The following CACNB2 variants were observed in gnomAD, a reference collection of about 807,000 sequenced individuals.
CACNB2 encodes voltage-dependent L-type calcium channel subunit beta-2.
CACNB2 carries 42 observed loss-of-function variants against 73.3 expected under a neutral mutation model. The ratio of observed to expected loss-of-function variants is 0.57; its 90% CI spans 0.45 to 0.74. The LOEUF is 0.74. CACNB2 is among the 30% of genes least tolerant of loss of function. CACNB2 has a pLI of 0.00. For missense variants in CACNB2, 940 were observed against 853.0 expected, an observed-to-expected ratio of 1.10 and a Z score of -1.27; for synonymous variants, 348 against 310.3, an observed-to-expected ratio of 1.12 and a Z score of -1.28.
chr10:18,483,922 A>G (rs2048922774), intron 3 of CACNB2, among the ~76,000 whole-genome samples: 1 of 152,206 alleles, frequency 6.6e-6, no homozygotes, highest in Non-Finnish European at 1.5e-5. Flanking sequence ...ACAGAATACA[A>G]TTACTGAGTG....
chr10:18,534,760 T>C (rs964116391), intron 11 of CACNB2, among the ~76,000 whole-genome samples: 1 of 152,244 alleles, frequency 6.6e-6, no homozygotes, highest in African/African-American at 2.4e-5. Flanking sequence ...ACAAAGCTCC[T>C]GCTGTATACC....
intron 2 of CACNB2, among the ~76,000 whole-genome samples, chr10:18,187,745 T>C (rs955891905): frequency 1.3e-5 from 2 of 152,234 alleles, no homozygotes; most frequent in African/African-American, 4.8e-5. Context: ...TTCAGTTACT[T>C]AACGTGGTGC....
chr10:18,515,592 G>T (rs2051195803), intron 7 of CACNB2, among the ~76,000 whole-genome samples: 1 of 152,184 alleles, frequency 6.6e-6, no homozygotes. Flanking sequence ...AATCAATTAT[G>T]ATTATTTTAA....
intron 5 of CACNB2, among the ~76,000 whole-genome samples, chr10:18,504,299 T>C (rs1403545893): frequency 6.6e-6 from 1 of 152,212 alleles, no homozygotes; most frequent in African/African-American, 2.4e-5. Flanking sequence ...GATGGTAGCC[T>C]GACCTCCACG....
chr10:18,454,519 C>T (rs891573127), intron 3 of CACNB2, among the ~76,000 whole-genome samples: 6 of 152,092 alleles, frequency 3.9e-5, no homozygotes, highest in Non-Finnish European at 8.8e-5. Context: ...TTTTTTACCC[C>T]CTAAGAACAA....
chr10:18,470,676 G>A (rs780151395), intron 3 of CACNB2, among the ~76,000 whole-genome samples: 15 of 152,068 alleles, frequency 9.9e-5, no homozygotes, highest in South Asian at 2.1e-4. Flanking sequence ...ATCCTATTAC[G>A]CTATGTCTGT....
intron 9 of CACNB2, among the ~76,000 whole-genome samples, chr10:18,521,539 C>T (rs905310749): frequency 2.6e-5 from 4 of 152,170 alleles, no homozygotes; most frequent in Non-Finnish European, 4.4e-5. Context: ...GGTCACTATT[C>T]AACTTGCCTC....
intron 2 of CACNB2, among the ~76,000 whole-genome samples, chr10:18,349,784 T>G (rs2041629377): frequency 6.6e-6 from 1 of 151,976 alleles, no homozygotes; most frequent in Non-Finnish European, 1.5e-5. Flanking sequence ...ATAATGTGAA[T>G]GTATTCAATG....
chr10:18,476,400 G>C (rs950577900), intron 3 of CACNB2, among the ~76,000 whole-genome samples: 2 of 152,190 alleles, frequency 1.3e-5, no homozygotes, highest in African/African-American at 4.8e-5. Flanking sequence ...AGTGAGAGCA[G>C]CCAAAGCAAG....
chr10:18,145,298 G>A (rs1239408307), intron 1 of CACNB2, among the ~76,000 whole-genome samples: 4 of 152,150 alleles, frequency 2.6e-5, no homozygotes, highest in Non-Finnish European at 5.9e-5. Context: ...ATATTCTTAG[G>A]TCCCGTGTGC....
At chr10:18,352,781 C>A (rs2041762967) in intron 2 of CACNB2, among the ~76,000 whole-genome samples, 1 of 152,090 alleles carries the variant, frequency 6.6e-6, no homozygotes, top group Non-Finnish European at 1.5e-5. Flanking sequence ...ATATGTAGCA[C>A]AATTTGGAAT....
intron 3 of CACNB2, among the ~76,000 whole-genome samples, chr10:18,403,332 T>C (rs2044107201): frequency 6.6e-6 from 1 of 152,226 alleles, no homozygotes. Flanking sequence ...AAATAATGTA[T>C]GACAGTCTGC....
chr10:18,539,879 GGATA>G lies in CACNB2; in HGVS notation c.*158_*161del, dbSNP rs2053973884. On this transcript the variant is annotated 3_prime_UTR_variant, in exon 14 of 14. Transcript: ENST00000324631. ...GCTGTTGCTTGAATAGCAATAGCATGGATAGAGTATTGAGATACTTTTTCTTTTG... is the reference window on the plus strand; with the variant it reads ...GCTGTTGCTTGAATAGCAATAGCATGGAGTATTGAGATACTTTTTCTTTTG... 1 of 806,268 alleles carries G rather than the reference GGATA, an allele frequency of 1.2e-6. No individual in the cohort carries two copies. 49.9% of individuals were successfully genotyped at this position (806,268 alleles called of 1,614,324 possible). A position where few individuals can be genotyped will look rare whatever the true frequency, so the allele number is the denominator to read the frequency against.
chr10:18,527,639 A>G lies in CACNB2; in HGVS notation c.996A>G (p.Val332=), dbSNP rs752927793. 6.2e-7 allele frequency: 1 copy of G among 1,613,960 alleles called. No homozygotes were observed. Among genetic ancestry groups the G allele is most frequent in the African/African-American group, 1.3e-5 (1 of 74,914 alleles). The change falls in exon 10 of 14, where the codon GTA becomes GTG. Residue 332 remains valine (V), a synonymous_variant. Coordinates refer to ENST00000324631, the MANE Select transcript of CACNB2 (RefSeq NM_201596.3). ...TADISLAKRS[V]LNNPSKHAII... ...ACATCTCGCTTGCCAAACGCTCGGT[A>G]TTAAACAATCCCAGTAAGCACGCAA...
At chr10:18,236,447 G>A (rs946388445) in intron 2 of CACNB2, among the ~76,000 whole-genome samples, 28 of 152,216 alleles carry the variant, frequency 1.8e-4, no homozygotes, top group African/African-American at 6.5e-4. Context: ...TTCTGCAGGT[G>A]CCTACAGCTT....
At chr10:18,357,165 G>A (rs1012340554) in intron 2 of CACNB2, among the ~76,000 whole-genome samples, 19 of 149,082 alleles carry the variant, frequency 1.3e-4, no homozygotes, top group Non-Finnish European at 2.4e-4. Context: ...GGATGGTCTC[G>A]ATCTCCTGAC....
intron 2 of CACNB2, among the ~76,000 whole-genome samples, chr10:18,383,579 T>C (rs1356935891): frequency 6.6e-6 from 1 of 152,212 alleles, no homozygotes; most frequent in East Asian, 1.9e-4. Context: ...CACAAATCCC[T>C]ACTTTCATGA....
At chr10:18,362,907 TA>T (rs11353752) in intron 2 of CACNB2, among the ~76,000 whole-genome samples, 81,826 of 151,358 alleles carry the variant, frequency 0.54, 22,735 homozygotes, top group East Asian at 0.95. Context: ...AAACTCTGTT[TA>T]AAAAAAAACA....
chr10:18,315,958 A>G (rs2040167612), intron 2 of CACNB2, among the ~76,000 whole-genome samples: 1 of 152,184 alleles, frequency 6.6e-6, no homozygotes, highest in Non-Finnish European at 1.5e-5. Flanking sequence ...CAAAATCATT[A>G]GGAAGTTATG....
Sources: gnomAD v4.1 joint callset for allele counts (sites outside exome capture counted in the v4.1 genomes callset) on GRCh38, gnomAD v4.1.1 for gene constraint, MANE v1.5 for transcripts, NCBI Gene and HGNC (gene_info 2026-07-23, HGNC 2026-07-21) for gene names.